The following EPHB2 variants were observed in gnomAD, a reference collection of about 807,000 sequenced individuals.
EPHB2 encodes the protein ephrin type-B receptor 2.
Under a neutral mutation model 96.4 loss-of-function variants are expected in EPHB2, and 18 were observed. The observed-to-expected ratio is 0.19, with a 90% CI of 0.13 to 0.28. The LOEUF (loss-of-function observed/expected upper bound fraction) is 0.28. EPHB2 is among the 10% of genes least tolerant of loss of function. The probability of loss-of-function intolerance (pLI) is 1.00; values close to 1 mark genes in which losing one functional copy is unlikely to be tolerated. For missense variants in EPHB2, 989 were observed against 1,355.4 expected (o/e 0.73, Z 4.25); for synonymous variants, 506 against 534.1 (o/e 0.95, Z 0.72).
intron 1 of EPHB2, among the ~76,000 whole-genome samples, chr1:22,724,663 C>G (rs749906000): frequency 6.6e-6 from 1 of 152,222 alleles, no homozygotes; most frequent in Non-Finnish European, 1.5e-5. Context: ...CTTTTCTCCC[C>G]CTCCTGGGTT....
At chr1:22,777,981 C>A (rs1189024209) in intron 1 of EPHB2, among the ~76,000 whole-genome samples, 1 of 152,086 alleles carries the variant, frequency 6.6e-6, no homozygotes, top group African/African-American at 2.4e-5. Flanking sequence ...TGAGGCTTAA[C>A]AAGAGGTAGA....
chr1:22,882,241 A>G (rs779928405), intron 5 of EPHB2, 118 bp from the exon 6 acceptor site: 6 of 1,545,218 alleles, frequency 3.9e-6, no homozygotes, highest in Non-Finnish European at 5.3e-6. Context: ...GGCCTCAGCC[A>G]GATGCCCTTC....
intron 3 of EPHB2, among the ~76,000 whole-genome samples, chr1:22,806,866 T>C (rs1048982061): frequency 6.6e-6 from 1 of 152,250 alleles, no homozygotes; most frequent in Admixed American, 6.5e-5. Context: ...AACACACAGC[T>C]GCGGGAGCTT....
intron 1 of EPHB2, among the ~76,000 whole-genome samples, chr1:22,741,937 C>T (rs1643909648): frequency 6.6e-6 from 1 of 152,114 alleles, no homozygotes; most frequent in Non-Finnish European, 1.5e-5. Context: ...TGAACTAGTT[C>T]TGTGTCTCCA....
intron 1 of EPHB2, among the ~76,000 whole-genome samples, chr1:22,718,041 G>A (rs189490977): frequency 8.5e-5 from 13 of 152,202 alleles, no homozygotes; most frequent in South Asian, 2.1e-4. Flanking sequence ...AAATGTGAAC[G>A]GTTGCTATCC....
chr1:22,750,144 C>T (rs1200332579), intron 1 of EPHB2, among the ~76,000 whole-genome samples: 1 of 152,190 alleles, frequency 6.6e-6, no homozygotes, highest in African/African-American at 2.4e-5. Flanking sequence ...AAGCAAGTGT[C>T]AGATGTGGAA....
intron 1 of EPHB2, among the ~76,000 whole-genome samples, chr1:22,760,206 C>G (rs1022927245): frequency 1.3e-5 from 2 of 151,802 alleles, no homozygotes; most frequent in African/African-American, 4.8e-5. Flanking sequence ...GTGGGGCACT[C>G]AGAAATAATT....
chr1:22,880,002 G>C (rs1157721282), intron 5 of EPHB2, among the ~76,000 whole-genome samples: 1 of 152,074 alleles, frequency 6.6e-6, no homozygotes, highest in Non-Finnish European at 1.5e-5. Flanking sequence ...CTTGGGGTGC[G>C]GGAGGGGAGT....
rs750951880 is a variant in EPHB2 at position 22,784,343 on chromosome 1, G to A, written c.127-49G>A. 1 of 1,582,308 alleles carries A rather than the reference G, an allele frequency of 6.3e-7. No individual in the cohort carries two copies. Among genetic ancestry groups the A allele is most frequent in the Non-Finnish European group, 8.7e-7 (1 of 1,152,954 alleles). ...GTCTTCCACCTTAGACTGAGTGTGT[G>A]CTGGGGCTGAGCCCTTACCTCCCCA... On this transcript the variant is annotated intron_variant, in intron 2 of 15. Transcript: ENST00000374630. The surrounding 1 kb of genome is among the most constrained non-coding windows in gnomAD (Gnocchi z 5.1).
At chr1:22,849,339 G>A (rs1353257672) in intron 3 of EPHB2, among the ~76,000 whole-genome samples, 6 of 152,084 alleles carry the variant, frequency 3.9e-5, no homozygotes, top group African/African-American at 1.2e-4. Context: ...GTGACCCATC[G>A]CGAGGTGTGT....
At chr1:22,799,245 C>T (rs781595386) in intron 3 of EPHB2, among the ~76,000 whole-genome samples, 1 of 152,200 alleles carries the variant, frequency 6.6e-6, no homozygotes, top group South Asian at 2.1e-4. Context: ...TGGCACTCCT[C>T]GAGAAGCCAT....
intron 5 of EPHB2, among the ~76,000 whole-genome samples, chr1:22,878,991 C>A (rs1557730589): frequency 6.6e-6 from 1 of 152,238 alleles, no homozygotes; most frequent in Non-Finnish European, 1.5e-5. Flanking sequence ...TGACTCCACC[C>A]TTCACACATC....
At position 22,859,307 on chromosome 1, in the gene EPHB2, G is replaced by GC. The variant is rs1645755912; in HGVS notation, c.812-3730_812-3729insC. Among the ~76,000 whole-genome samples the GC allele has an allele frequency of 2.7e-5, 4 of 149,404 alleles. No individual in the cohort carries two copies. The South Asian group carries it at 8.6e-4, about 32-fold the overall frequency. ...GTGGGGTGGGCCTGGTGGGGGGGGG[G>GC]GTATTGTACCTAGGTGAGTGTGAGA... On this transcript the variant is annotated intron_variant, in intron 3 of 15. Coordinates refer to ENST00000374630, the MANE Select transcript of EPHB2 (RefSeq NM_017449.5).
Position 22,875,030 on chromosome 1 carries a change from C to T in EPHB2, c.1304-7329C>T, listed in dbSNP as rs1638792948. ...CACAAGCAGACGGGCTACAACTCTG[C>T]GTTCCTCAAACTTTCTTAGCCACAG... On this transcript the variant is annotated intron_variant, in intron 5 of 15. Coordinates refer to ENST00000374630, the MANE Select transcript of EPHB2 (RefSeq NM_017449.5). This position sits in a 1 kb window ranked among gnomAD's most constrained non-coding sequence, Gnocchi z 4.2. 6.6e-6 allele frequency among the ~76,000 whole-genome samples: 1 copy of T among 152,184 alleles called. No individual in the cohort carries two copies. The highest frequency in any genetic ancestry group is 1.5e-5 in the Non-Finnish European group (1 of 68,042).
intron 1 of EPHB2, among the ~76,000 whole-genome samples, chr1:22,758,521 G>T (rs1644188374): frequency 6.6e-6 from 1 of 152,020 alleles, no homozygotes; most frequent in African/African-American, 2.4e-5. Context: ...CCTCCCTGGG[G>T]CTCCCAGGAC....
chr1:22,802,823 G>C (rs2148449853), intron 3 of EPHB2, among the ~76,000 whole-genome samples: 1 of 152,304 alleles, frequency 6.6e-6, no homozygotes, highest in South Asian at 2.1e-4. Context: ...AAATGCCCCT[G>C]CCCCTCTAGA....
intron 1 of EPHB2, among the ~76,000 whole-genome samples, chr1:22,764,703 A>AT (rs1243693630): frequency 1.3e-5 from 2 of 150,896 alleles, no homozygotes; most frequent in African/African-American, 4.9e-5. Flanking sequence ...CCGAGATTGC[A>AT]CCACCGCACT....
intron 3 of EPHB2, among the ~76,000 whole-genome samples, chr1:22,787,194 G>T (rs1644624745): frequency 6.6e-6 from 1 of 152,224 alleles, no homozygotes; most frequent in Non-Finnish European, 1.5e-5. Context: ...AATAGGAACT[G>T]CTCAGGCTAC....
intron 6 of EPHB2, 178 bp from the exon 7 acceptor site, chr1:22,892,706 T>C (rs1210223703): frequency 9.7e-6 from 8 of 823,760 alleles, no homozygotes; most frequent in African/African-American, 1.7e-5. Context: ...TTGTGGGCAG[T>C]GTTGAAAAGT....
Sources: gnomAD v4.1 joint callset for allele counts (sites outside exome capture counted in the v4.1 genomes callset) on GRCh38, gnomAD v4.1.1 for gene constraint, Gnocchi (gnomAD v3.1) non-coding constraint, MANE v1.5 for transcripts, NCBI Gene and HGNC (gene_info 2026-07-23, HGNC 2026-07-21) for gene names.